Variants in BLTP1 observed in about 807,000 individuals in gnomAD.
BLTP1 encodes bridge-like lipid transfer protein family member 1.
chr4:122,167,337 C>T, the BLTP1 span, among the ~76,000 whole-genome samples: 1 of 152,128 alleles, frequency 6.6e-6, no homozygotes, highest in African/African-American at 2.4e-5. Flanking sequence ...GTTTATTCAT[C>T]TCCCAGGTGT....
the BLTP1 span, chr4:122,219,018 A>G: frequency 2.6e-5 from 8 of 302,474 alleles, no homozygotes; most frequent in Admixed American, 2.6e-4. Context: ...CAGTGATTGA[A>G]AACTGTTTAA....
At chr4:122,200,503 C>G in the BLTP1 span, 3 of 816,120 alleles carry the variant, frequency 3.7e-6, no homozygotes, top group Non-Finnish European at 4.4e-6. Context: ...TTGCTTGAAG[C>G]TGGGAGGCGG....
chr4:122,272,335 T>G, the BLTP1 span: 1 of 1,613,042 alleles, frequency 6.2e-7, no homozygotes. Flanking sequence ...AGGCAGATAT[T>G]GGTGGACTAA....
chr4:122,269,360 A>C, the BLTP1 span: 1 of 961,580 alleles, frequency 1.0e-6, no homozygotes, highest in African/African-American at 1.8e-5. Context: ...CTAGACCTTC[A>C]TTTGAGCACA....
At chr4:122,264,283 A>C in the BLTP1 span, 1 of 1,608,716 alleles carries the variant, frequency 6.2e-7, no homozygotes, top group Non-Finnish European at 8.5e-7. Flanking sequence ...CAATACCCTC[A>C]GCCTCAGATT....
At chr4:122,266,773 T>C in the BLTP1 span, 10 of 1,575,926 alleles carry the variant, frequency 6.3e-6, no homozygotes, top group Non-Finnish European at 8.6e-6. Flanking sequence ...TGAATGTTTA[T>C]GTCTTTTAGG....
At chr4:122,301,835 G>A in the BLTP1 span, among the ~76,000 whole-genome samples, 2 of 152,150 alleles carry the variant, frequency 1.3e-5, no homozygotes, top group African/African-American at 2.4e-5. Context: ...GCTGATGCAG[G>A]AGGATTGCTT....
At chr4:122,238,021 A>C in the BLTP1 span, 1 of 1,418,356 alleles carries the variant, frequency 7.1e-7, no homozygotes, top group Admixed American at 2.2e-5. Context: ...AAAATGGATT[A>C]GATTGCCATG....
chr4:122,239,921 T>C, the BLTP1 span: 11 of 1,613,808 alleles, frequency 6.8e-6, no homozygotes, highest in South Asian at 3.3e-5. Context: ...CTGGAACTTA[T>C]CCGGGTAGAA....
At chr4:122,360,039 G>C in the BLTP1 span, 1 of 985,138 alleles carries the variant, frequency 1.0e-6, no homozygotes, top group African/African-American at 1.7e-5. Context: ...TTATTTTCAG[G>C]GTTTGAGGTA....
At chr4:122,333,606 TAAG>T in the BLTP1 span, 1,836 of 1,561,622 alleles carry the variant, frequency 1.2e-3, 19 homozygotes, top group African/African-American at 0.023. Flanking sequence ...TTTAAAAAGA[TAAG>T]AACATTTTTC....
At chr4:122,158,247 A>G in the BLTP1 span, among the ~76,000 whole-genome samples, 2 of 152,332 alleles carry the variant, frequency 1.3e-5, no homozygotes, top group South Asian at 2.1e-4. Context: ...ATGAAGCCCT[A>G]TAACTAATTA....
chr4:122,229,058 CTT>C, the BLTP1 span: 16 of 1,351,994 alleles, frequency 1.2e-5, no homozygotes, highest in Non-Finnish European at 1.6e-5. Context: ...AAGAAGATGA[CTT>C]AAGTATCAAA....
At chr4:122,362,240 A>G in the BLTP1 span, 1 of 1,611,824 alleles carries the variant, frequency 6.2e-7, no homozygotes, top group Non-Finnish European at 8.5e-7. Context: ...GACAAAGAAG[A>G]ACACTAAAAA....
the BLTP1 span, chr4:122,220,411 G>A: frequency 1.2e-6 from 2 of 1,612,822 alleles, no homozygotes; most frequent in Non-Finnish European, 1.7e-6. Flanking sequence ...AGGATTTAGG[G>A]AGACCATGCT....
At chr4:122,276,349 A>C in the BLTP1 span, 1 of 691,888 alleles carries the variant, frequency 1.4e-6, no homozygotes. Context: ...TGGAAGCTTA[A>C]AAAATTCACT....
the BLTP1 span, chr4:122,247,627 GT>G: frequency 1.7e-6 from 2 of 1,212,076 alleles, no homozygotes; most frequent in Non-Finnish European, 2.1e-6. Context: ...TTTCCCATGT[GT>G]TTTTTCCATG....
chr4:122,173,461 C>G, the BLTP1 span, among the ~76,000 whole-genome samples: 1 of 152,156 alleles, frequency 6.6e-6, no homozygotes, highest in Non-Finnish European at 1.5e-5. Flanking sequence ...ATCATGGCCT[C>G]ATTTAATCCT....
At chr4:122,230,117 C>G in the BLTP1 span, 2 of 1,614,060 alleles carry the variant, frequency 1.2e-6, no homozygotes, top group Admixed American at 1.7e-5. Context: ...CAATTTAGGA[C>G]TTATTACTGT....
Sources: allele counts gnomAD v4.1 joint callset (sites outside exome capture counted in the v4.1 genomes callset), GRCh38; gene constraint gnomAD v4.1.1; transcripts MANE v1.5; gene names NCBI Gene and HGNC (gene_info 2026-07-23, HGNC 2026-07-21).